PCDHA4: variants seen among roughly 807,000 people sequenced by gnomAD.
The protein encoded by PCDHA4 is protocadherin alpha-4.
Under a neutral mutation model 61.4 loss-of-function variants are expected in PCDHA4, and 49 were observed. That is an observed-to-expected ratio of 0.80 (90% CI 0.63 to 1.01). The LOEUF (loss-of-function observed/expected upper bound fraction) is 1.01, where lower values mean the gene tolerates loss of function less well. Among genes scored for constraint, PCDHA4 ranks in the 50% least tolerant of loss-of-function variants. The probability of loss-of-function intolerance (pLI) is 0.00; values close to 1 mark genes in which losing one functional copy is unlikely to be tolerated. For synonymous variants in PCDHA4, 590 were observed against 550.3 expected (o/e 1.07, Z -1.01); for missense variants, 1,254 against 1,235.8 (o/e 1.01, Z -0.22).
At position 140,856,829 on chromosome 5, in the gene PCDHA4, A is replaced by G. The variant is rs781823533; in HGVS notation, c.2385+47257A>G. The G allele has an allele frequency of 3.4e-5, 54 of 1,592,340 alleles. 7 individuals are homozygous for G. The highest frequency in any genetic ancestry group is 4.6e-5 in the Non-Finnish European group (54 of 1,162,524). ...AAATCAAGTGAACCAAACATTAGTA[A>G]TACGGCTCAACGCTTCTGATTCGGA... On this transcript the variant is annotated intron_variant, in intron 1 of 3. Coordinates refer to ENST00000530339, the MANE Select transcript of PCDHA4 (RefSeq NM_018907.4).
At chr5:140,836,597 T>C (rs2150265046) in intron 1 of PCDHA4, 7 of 1,613,676 alleles carry the variant, frequency 4.3e-6, no homozygotes, top group Non-Finnish European at 5.1e-6. Context: ...TAAAGCCCAC[T>C]CTGGTGTGCT....
chr5:140,855,814 G>T, intron 1 of PCDHA4: 1 of 513,024 alleles, frequency 1.9e-6, no homozygotes, highest in Non-Finnish European at 3.4e-6. Context: ...AAGAAAAGTT[G>T]TGAACTCATG....
At chr5:140,941,210 T>C (rs199663607) in intron 1 of PCDHA4, among the ~76,000 whole-genome samples, 3,757 of 100,378 alleles carry the variant, frequency 0.037, 93 homozygotes, top group African/African-American at 0.096. Context: ...TTCCTTTCTT[T>C]CTTCCTTTCT....
chr5:140,808,435 G>A lies in PCDHA4; in HGVS notation c.1248G>A (p.Glu416=), dbSNP rs376887531. Residue 416 remains glutamate (E), a synonymous_variant, in exon 1 of 4, where the codon GAG becomes GAA. Transcript: ENST00000530339. ...SLVLDSALDR[E]SVSAYELVVT... is the part of the protein sequence containing the mutation. ...TGCTGGACAGTGCCCTGGACCGCGAGAGCGTGTCAGCCTATGAGCTGGTGG... is the reference window on the plus strand; with the variant it reads ...TGCTGGACAGTGCCCTGGACCGCGAAAGCGTGTCAGCCTATGAGCTGGTGG... 12 of 1,614,194 alleles carry A rather than the reference G, an allele frequency of 7.4e-6. No individual in the cohort carries two copies. The African/African-American group carries it at 1.6e-4, about 22-fold the overall frequency.
At chr5:140,822,370 TTAGA>T in intron 1 of PCDHA4, 2 of 1,614,126 alleles carry the variant, frequency 1.2e-6, no homozygotes, top group Non-Finnish European at 1.7e-6. Context: ...GAGGAAATCC[TTAGA>T]TAGAGAAGAA....
At chr5:140,850,501 T>C (rs2150486644) in intron 1 of PCDHA4, 1 of 1,598,068 alleles carries the variant, frequency 6.3e-7, no homozygotes, top group African/African-American at 1.3e-5. Context: ...CTGGTGTCGC[T>C]GGTGGAGAGC....
intron 1 of PCDHA4, chr5:140,853,127 C>T (rs1172864205): frequency 3.4e-6 from 2 of 580,724 alleles, no homozygotes; most frequent in Non-Finnish European, 4.4e-6. Flanking sequence ...GATCCTCCCG[C>T]CTCAGCCTCC....
At position 140,955,726 on chromosome 5, in the gene PCDHA4, C is replaced by A. The variant is rs934215613; in HGVS notation, c.2386-23223C>A. Among the ~76,000 whole-genome samples the A allele has an allele frequency of 8.5e-5, 13 of 152,264 alleles. No individual in the cohort carries two copies. In the South Asian group the frequency reaches 2.5e-3, roughly 29 times the overall value. Reference sequence around the variant, plus strand: ...AAGTTTAATAGGAATACCATTGAATCTATAAATTACTTTGAGCATTATTGC... The same window carrying A: ...AAGTTTAATAGGAATACCATTGAATATATAAATTACTTTGAGCATTATTGC... On this transcript the variant is annotated intron_variant, in intron 1 of 3. Coordinates refer to ENST00000530339, the MANE Select transcript of PCDHA4 (RefSeq NM_018907.4).
At chr5:140,903,636 T>C (rs1330875573) in intron 1 of PCDHA4, among the ~76,000 whole-genome samples, 3 of 152,236 alleles carry the variant, frequency 2.0e-5, no homozygotes, top group African/African-American at 7.2e-5. Context: ...TGTATGCATA[T>C]ACCATATACA....
At chr5:140,987,592 G>T (rs150671243) in intron 3 of PCDHA4, among the ~76,000 whole-genome samples, 2 of 152,172 alleles carry the variant, frequency 1.3e-5, no homozygotes, top group African/African-American at 4.8e-5. Flanking sequence ...GAGAATAGTG[G>T]TGTCTACCTT....
chr5:140,876,792 A>G (rs782210017), intron 1 of PCDHA4: 98 of 1,613,998 alleles, frequency 6.1e-5, no homozygotes, highest in Non-Finnish European at 7.5e-5. Flanking sequence ...CCACGGCTAG[A>G]GTGTCCGTGG....
intron 1 of PCDHA4, among the ~76,000 whole-genome samples, chr5:140,899,462 T>C (rs2067338282): frequency 6.6e-6 from 1 of 152,366 alleles, no homozygotes; most frequent in Admixed American, 6.5e-5. Context: ...GTGGTTTTTG[T>C]CTTTGGTTCT....
chr5:140,835,497 A>C, intron 1 of PCDHA4: 1 of 1,613,910 alleles, frequency 6.2e-7, no homozygotes. Flanking sequence ...CATCACATTG[A>C]TTAGCGTGTT....
chr5:140,932,493 T>C (rs148938081), intron 1 of PCDHA4, among the ~76,000 whole-genome samples: 1 of 151,888 alleles, frequency 6.6e-6, no homozygotes, highest in Non-Finnish European at 1.5e-5. Flanking sequence ...CTTTGCAATG[T>C]CATTTGTTAA....
At chr5:140,842,504 T>C (rs1554139112) in intron 1 of PCDHA4, 9 of 1,613,696 alleles carry the variant, frequency 5.6e-6, no homozygotes, top group Non-Finnish European at 7.6e-6. Context: ...CCATGTCCCC[T>C]TCAAGCTGGT....
At chr5:140,930,993 C>T (rs1275430453) in intron 1 of PCDHA4, among the ~76,000 whole-genome samples, 1 of 152,140 alleles carries the variant, frequency 6.6e-6, no homozygotes, top group African/African-American at 2.4e-5. Flanking sequence ...TCATGACCTA[C>T]ACTAATAACA....
intron 1 of PCDHA4, chr5:140,875,942 C>T: frequency 1.2e-6 from 2 of 1,614,190 alleles, no homozygotes; most frequent in Non-Finnish European, 1.7e-6. Context: ...CTAGAGGGCG[C>T]TTCTGATGCG....
chr5:140,866,367 C>T (rs1375421273), intron 1 of PCDHA4: 1 of 152,082 alleles, frequency 6.6e-6, no homozygotes, highest in African/African-American at 2.4e-5. Flanking sequence ...ATATTGCATA[C>T]TTCAATAACA....
chr5:140,902,526 T>C (rs1388582391), intron 1 of PCDHA4, among the ~76,000 whole-genome samples: 1 of 152,140 alleles, frequency 6.6e-6, no homozygotes, highest in African/African-American at 2.4e-5. Flanking sequence ...GTTTTTATTA[T>C]GTTGAGGTAT....
Sources: gnomAD v4.1 joint callset for allele counts (sites outside exome capture counted in the v4.1 genomes callset) on GRCh38, gnomAD v4.1.1 for gene constraint, MANE v1.5 for transcripts, NCBI Gene and HGNC (gene_info 2026-07-23, HGNC 2026-07-21) for gene names.